CHN2: variants seen among roughly 807,000 people sequenced by gnomAD.
CHN2 encodes chimerin 2.
In CHN2, 35 loss-of-function variants were observed where a neutral mutation model predicts 56.3. The ratio of observed to expected loss-of-function variants is 0.62; its 90% CI spans 0.47 to 0.82. CHN2 has a LOEUF of 0.82. Among genes scored for constraint, CHN2 ranks in the 40% least tolerant of loss-of-function variants. CHN2 has a pLI of 0.00. For synonymous variants in CHN2, 210 were observed against 212.8 expected (o/e 0.99, Z 0.12); for missense variants, 491 against 580.5 (o/e 0.85, Z 1.58).
At chr7:29,315,728 G>A (rs568352865) in intron 1 of CHN2, among the ~76,000 whole-genome samples, 3 of 152,090 alleles carry the variant, frequency 2.0e-5, no homozygotes, top group East Asian at 3.9e-4. Context: ...GCTGGGTACC[G>A]TTCTAGGTGA....
At chr7:29,439,839 T>A (rs1192261497) in intron 6 of CHN2, among the ~76,000 whole-genome samples, 2 of 152,230 alleles carry the variant, frequency 1.3e-5, no homozygotes, top group Non-Finnish European at 2.9e-5. Flanking sequence ...TCTAGCACTT[T>A]ATAAAGTATT....
intron 6 of CHN2, chr7:29,445,160 A>G (rs1783941962): frequency 2.2e-6 from 1 of 455,906 alleles, no homozygotes; most frequent in Non-Finnish European, 4.4e-6. Context: ...TCCCACCAGT[A>G]CATGTAAGTA....
chr7:29,373,238 G>A (rs1278096050), intron 3 of CHN2, among the ~76,000 whole-genome samples: 3 of 150,656 alleles, frequency 2.0e-5, no homozygotes, highest in Non-Finnish European at 4.4e-5. Context: ...GTGCAGTGGC[G>A]CTATCTTGAC....
Position 29,504,793 on chromosome 7 carries a change from T to C in CHN2, c.963T>C (p.Ile321=). 6.2e-7 allele frequency: 1 copy of C among 1,613,498 alleles called. No individual in the cohort carries two copies. The highest frequency in any genetic ancestry group is 1.1e-5 in the South Asian group (1 of 91,080). Residue 321 remains isoleucine (I), a synonymous_variant, in exon 10 of 13, where the codon ATT becomes ATC. Coordinates refer to ENST00000222792, the MANE Select transcript of CHN2 (RefSeq NM_004067.4). Reference sequence around the variant, plus strand: ...GAGTCTCTGGGTTCACTGAACACATTGAAGATGTCAAAATGGCATTTGACA... The same window carrying C: ...GAGTCTCTGGGTTCACTGAACACATCGAAGATGTCAAAATGGCATTTGACA... ...LYRVSGFTEH[I]EDVKMAFDRD...
chr7:29,202,871 T>C (rs1463621715), intron 1 of CHN2, among the ~76,000 whole-genome samples: 1 of 152,208 alleles, frequency 6.6e-6, no homozygotes. Flanking sequence ...AAGAGACTGT[T>C]GGGACAGCAA....
chr7:29,416,641 G>T (rs1405929221), intron 6 of CHN2, among the ~76,000 whole-genome samples: 1 of 152,196 alleles, frequency 6.6e-6, no homozygotes, highest in Admixed American at 6.5e-5. Flanking sequence ...GCTGGTCCGG[G>T]AACCACAGTT....
intron 10 of CHN2, among the ~76,000 whole-genome samples, chr7:29,506,801 A>G (rs1239204125): frequency 1.3e-5 from 2 of 152,210 alleles, no homozygotes; most frequent in Non-Finnish European, 2.9e-5. Context: ...AACTGAAACT[A>G]TTCAACAATC....
intron 6 of CHN2, among the ~76,000 whole-genome samples, chr7:29,413,643 G>C (rs1056568636): frequency 6.6e-6 from 1 of 152,046 alleles, no homozygotes; most frequent in Admixed American, 6.6e-5. Context: ...CAAGAAACCC[G>C]GGGCTTGGGA....
intron 6 of CHN2, among the ~76,000 whole-genome samples, chr7:29,466,306 G>A (rs549393162): frequency 3.3e-5 from 5 of 152,244 alleles, no homozygotes; most frequent in African/African-American, 7.2e-5. Context: ...ATATTGAGAC[G>A]TAATTTTCTG....
chr7:29,212,945 G>A, intron 1 of CHN2: 1 of 1,609,896 alleles, frequency 6.2e-7, no homozygotes, highest in East Asian at 2.2e-5. Flanking sequence ...ATCTAGTGCT[G>A]GAGCAACCAC....
chr7:29,511,303 G>A lies in CHN2; in HGVS notation c.1236-1261G>A, dbSNP rs146512702. ...TCTGATTAATTTACTGAATTTAGGA[G>A]TGCAAGTAATTTTTAGATAATAAAC... On this transcript the variant is annotated intron_variant, in intron 12 of 12. Coordinates refer to ENST00000222792, the MANE Select transcript of CHN2 (RefSeq NM_004067.4). Among the ~76,000 whole-genome samples, 618 of 144,970 alleles carry A rather than the reference G, an allele frequency of 4.3e-3. 6 individuals carry two copies. In the Middle Eastern group the frequency reaches 0.062, roughly 15 times the overall value.
chr7:29,254,903 G>A (rs889407752), intron 1 of CHN2, among the ~76,000 whole-genome samples: 5 of 152,158 alleles, frequency 3.3e-5, no homozygotes, highest in Non-Finnish European at 7.3e-5. Context: ...AAAGGAGATT[G>A]GTCAGAGTGC....
chr7:29,210,785 G>A (rs1169406339), intron 1 of CHN2, among the ~76,000 whole-genome samples: 1 of 152,060 alleles, frequency 6.6e-6, no homozygotes, highest in East Asian at 1.9e-4. Flanking sequence ...ACACTTGATG[G>A]TGAGGGAGCC....
intron 1 of CHN2, among the ~76,000 whole-genome samples, chr7:29,215,250 G>A (rs1785244632): frequency 6.6e-6 from 1 of 152,168 alleles, no homozygotes; most frequent in Admixed American, 6.5e-5. Flanking sequence ...GCCAGCAGAA[G>A]TTCTGCACGG....
chr7:29,445,059 T>A, intron 6 of CHN2: 1 of 450,756 alleles, frequency 2.2e-6, no homozygotes, highest in Non-Finnish European at 4.5e-6. Flanking sequence ...CTCTCCCATT[T>A]TAGTCTGTTG....
At chr7:29,212,272 AT>A (rs1470281889) in intron 1 of CHN2, 38 of 1,017,524 alleles carry the variant, frequency 3.7e-5, no homozygotes, top group African/African-American at 4.8e-5. Context: ...CACCTCTTAA[AT>A]TTTTTCCCCC....
intron 7 of CHN2, among the ~76,000 whole-genome samples, chr7:29,481,499 A>T (rs1255615943): frequency 6.6e-6 from 1 of 152,172 alleles, no homozygotes; most frequent in Non-Finnish European, 1.5e-5. Flanking sequence ...AGGCATTTGC[A>T]TGCTATAATT....
intron 1 of CHN2, among the ~76,000 whole-genome samples, chr7:29,346,276 T>C (rs911004947): frequency 1.3e-5 from 2 of 152,220 alleles, no homozygotes; most frequent in African/African-American, 2.4e-5. Context: ...ATAATGTATG[T>C]ATCAAAGACA....
intron 1 of CHN2, among the ~76,000 whole-genome samples, chr7:29,241,489 A>T (rs1290328349): frequency 2.0e-5 from 3 of 151,630 alleles, no homozygotes; most frequent in African/African-American, 7.3e-5. Flanking sequence ...CTGGTTAGAG[A>T]TTCTCTGGGG....
Sources: allele counts gnomAD v4.1 joint callset (sites outside exome capture counted in the v4.1 genomes callset), GRCh38; gene constraint gnomAD v4.1.1; transcripts MANE v1.5; gene names NCBI Gene and HGNC (gene_info 2026-07-23, HGNC 2026-07-21).